COL4A6: variants seen among roughly 807,000 people sequenced by gnomAD.
COL4A6 encodes the protein collagen type IV alpha 6 chain, also known as collagen alpha-6(IV) chain.
Under a neutral mutation model 126.7 loss-of-function variants are expected in COL4A6, and 59 were observed. That is an observed-to-expected ratio of 0.47 (90% CI 0.38 to 0.58). The LOEUF is 0.58. Among genes scored for constraint, COL4A6 ranks in the 20% least tolerant of loss-of-function variants. The pLI is 0.00. For missense variants in COL4A6, 1,285 were observed against 1,337.3 expected (o/e 0.96, Z 0.61); for synonymous variants, 547 against 496.6 (o/e 1.10, Z -1.35).
At chrX:108,217,821 AAC>A (rs2035903393) in intron 5 of COL4A6, among the ~76,000 whole-genome samples, 1 of 112,015 alleles carries the variant, frequency 8.9e-6, no homozygotes, top group Admixed American at 9.4e-5. Context: ...GTCAAAAGAA[AAC>A]ACATACAATT....
At chrX:108,385,216 T>C (rs2040657476) in intron 2 of COL4A6, among the ~76,000 whole-genome samples, 1 of 108,643 alleles carries the variant, frequency 9.2e-6, no homozygotes, top group African/African-American at 3.3e-5. Context: ...TAATGAACAA[T>C]TTAAAAATGA....
At chrX:108,238,536 T>G (rs886920304) in intron 3 of COL4A6, among the ~76,000 whole-genome samples, 19 of 109,868 alleles carry the variant, frequency 1.7e-4, no homozygotes, top group African/African-American at 6.0e-4. Flanking sequence ...CTTCTAACCC[T>G]TATGTAATAT....
At chrX:108,428,126 G>T (rs1447506068) in intron 2 of COL4A6, among the ~76,000 whole-genome samples, 1 of 110,617 alleles carries the variant, frequency 9.0e-6, no homozygotes, top group Admixed American at 9.6e-5. Flanking sequence ...GCATTGTCTT[G>T]GGCCACAAAT....
At chrX:108,402,574 T>A (rs191399430) in intron 2 of COL4A6, among the ~76,000 whole-genome samples, 1 of 111,216 alleles carries the variant, frequency 9.0e-6, no homozygotes, top group African/African-American at 3.2e-5. Context: ...AATATCTATA[T>A]CATTAATTTT....
In COL4A6 at chrX:108,380,558, T is replaced by C. The variant is rs1406562047; in HGVS notation, c.63+57384A>G. Among the ~76,000 whole-genome samples the C allele has an allele frequency of 3.6e-5, 4 of 112,322 alleles. No individual in the cohort carries two copies. The Admixed American group carries it at 3.8e-4, about 11-fold the overall frequency. ...GTGGTATTGATTAACTTTTGGGATCTTTTTCACCACTACTGATCTGTCTCA... is the reference window on the plus strand; with the variant it reads ...GTGGTATTGATTAACTTTTGGGATCCTTTTCACCACTACTGATCTGTCTCA... On this transcript the variant is annotated intron_variant, in intron 2 of 44. Coordinates refer to ENST00000334504, the MANE Select transcript of COL4A6 (RefSeq NM_033641.4).
At chrX:108,351,157 T>C (rs889021252) in intron 2 of COL4A6, among the ~76,000 whole-genome samples, 1 of 111,482 alleles carries the variant, frequency 9.0e-6, no homozygotes, top group Non-Finnish European at 1.9e-5. Context: ...ACTGTCATCG[T>C]CCAAAGAATT....
intron 2 of COL4A6, among the ~76,000 whole-genome samples, chrX:108,362,260 TAGAC>T (rs1691793594): frequency 1.8e-5 from 2 of 112,486 alleles, no homozygotes; most frequent in African/African-American, 6.5e-5. Flanking sequence ...TACAATCTAT[TAGAC>T]AGCTTGGATC....
At chrX:108,328,663 C>A (rs1603098196) in intron 2 of COL4A6, among the ~76,000 whole-genome samples, 1 of 111,624 alleles carries the variant, frequency 9.0e-6, no homozygotes, top group African/African-American at 3.3e-5. Flanking sequence ...TATGGAGATG[C>A]CTCAAAAAAT....
intron 3 of COL4A6, chrX:108,269,021 A>G: frequency 3.1e-6 from 1 of 322,246 alleles, no homozygotes; most frequent in South Asian, 2.8e-5. Context: ...AGTATGGGGA[A>G]AGAGAACATC....
rs753825255 is a variant in COL4A6 at position 108,178,769 on chromosome X, C to A, written c.2430G>T (p.Gln810His). The part of the protein sequence containing the change: ...GSPGTPGQVG[Q>H]PGTPGSSGPY... ...GACCACTAGATCCTGGGGTGCCTGG[C>A]TGTCCCACCTGTCCTGGTGTCCCAG... Residue 810 changes from glutamine (Q) to histidine (H), a missense_variant, in exon 27 of 45, where the codon CAG (glutamine) becomes CAT (histidine). Physicochemically the swap from Gln to His is conservative, Grantham distance 24. Transcript: ENST00000334504. The A allele has an allele frequency of 4.1e-6, 5 of 1,211,680 alleles. No individual in the cohort carries two copies. The Admixed American group carries it at 1.1e-4, about 26-fold the overall frequency.
At chrX:108,349,964 G>A (rs1050190083) in intron 2 of COL4A6, among the ~76,000 whole-genome samples, 1 of 111,663 alleles carries the variant, frequency 9.0e-6, no homozygotes, top group African/African-American at 3.3e-5. Context: ...TACAGATGTG[G>A]ACACTGGGGT....
At chrX:108,230,192 A>C (rs1462442630) in intron 3 of COL4A6, among the ~76,000 whole-genome samples, 1 of 111,860 alleles carries the variant, frequency 8.9e-6, no homozygotes, top group Admixed American at 9.5e-5. Flanking sequence ...AGATTTGAGG[A>C]AACAGAGTGA....
intron 3 of COL4A6, among the ~76,000 whole-genome samples, chrX:108,271,225 A>G (rs868376619): frequency 9.0e-6 from 1 of 111,149 alleles, no homozygotes; most frequent in Non-Finnish European, 1.9e-5. Flanking sequence ...GGAAAACCAC[A>G]CCAGCCACAA....
intron 7 of COL4A6, 135 bp from the exon 8 acceptor site, chrX:108,210,139 A>C: frequency 1.8e-6 from 1 of 566,471 alleles, no homozygotes. Flanking sequence ...CTTGTGTTTT[A>C]AATAATGTAT....
At chrX:108,401,292 A>G (rs2041082872) in intron 2 of COL4A6, among the ~76,000 whole-genome samples, 1 of 111,229 alleles carries the variant, frequency 9.0e-6, no homozygotes, top group African/African-American at 3.2e-5. Context: ...CAGCTATAAA[A>G]GTGTTAATCA....
chrX:108,403,046 C>G (rs907700772), intron 2 of COL4A6, among the ~76,000 whole-genome samples: 2 of 111,183 alleles, frequency 1.8e-5, no homozygotes, highest in African/African-American at 6.5e-5. Context: ...AAAAATCTTC[C>G]TCTAAGATAG....
At chrX:108,267,770 A>T (rs1478921865) in intron 3 of COL4A6, 7 of 112,153 alleles carry the variant, frequency 6.2e-5, no homozygotes, top group African/African-American at 2.3e-4. Context: ...GATTTCACAG[A>T]CTCTTTTTCA....
chrX:108,297,915 A>C (rs1603037517), intron 3 of COL4A6, among the ~76,000 whole-genome samples: 3 of 96,214 alleles, frequency 3.1e-5, no homozygotes, highest in East Asian at 3.3e-4. Context: ...TTTCTATCCC[A>C]TCTCGTCCCC....
At chrX:108,296,315 A>G (rs1033786272) in intron 3 of COL4A6, among the ~76,000 whole-genome samples, 2 of 112,107 alleles carry the variant, frequency 1.8e-5, no homozygotes, top group African/African-American at 6.5e-5. Context: ...TACCTAGGCA[A>G]GGAGGTATTG....
Sources: gnomAD v4.1 joint callset for allele counts (sites outside exome capture counted in the v4.1 genomes callset) on GRCh38, gnomAD v4.1.1 for gene constraint, MANE v1.5 for transcripts, NCBI Gene and HGNC (gene_info 2026-07-23, HGNC 2026-07-21) for gene names.